Variants in USP36 observed in about 807,000 individuals in gnomAD.
USP36 encodes the protein ubiquitin specific peptidase 36.
A neutral mutation model predicts 111.5 loss-of-function variants in USP36; 59 were observed. That is an observed-to-expected ratio of 0.53 (90% CI 0.43 to 0.66). The LOEUF is 0.66. Among genes scored for constraint, USP36 ranks in the 30% least tolerant of loss-of-function variants. The pLI is 0.00. For missense variants in USP36, 1,488 were observed against 1,468.0 expected (o/e 1.01, Z -0.22); for synonymous variants, 628 against 581.0 (o/e 1.08, Z -1.16).
chr17:78,812,645 G>A (rs1372488108), intron 13 of USP36, among the ~76,000 whole-genome samples: 2 of 149,006 alleles, frequency 1.3e-5, no homozygotes, highest in African/African-American at 2.5e-5. Context: ...AGCCGAGATT[G>A]GAGATCGCAC....
intron 10 of USP36, among the ~76,000 whole-genome samples, chr17:78,815,230 G>C (rs546169836): frequency 6.6e-6 from 1 of 152,198 alleles, no homozygotes; most frequent in East Asian, 1.9e-4. Context: ...TACTCAGGAG[G>C]CTGAGGCAGG....
At chr17:78,830,440 C>T (rs565014375) in intron 4 of USP36, among the ~76,000 whole-genome samples, 36 of 152,300 alleles carry the variant, frequency 2.4e-4, no homozygotes, top group Middle Eastern at 3.4e-3. Flanking sequence ...ATTTTCTCTG[C>T]TATCATAGAC....
rs2094135072 is a variant in USP36, at chr17:78,814,402, A to G, written c.1164+10T>C. The G allele has an allele frequency of 6.2e-7, 1 of 1,613,906 alleles. No homozygotes were observed. The highest frequency in any genetic ancestry group is 2.2e-5 in the East Asian group (1 of 44,890). Reference sequence around the variant, plus strand: ...CCCAGGAGGCAGCTGCACTGACACAAGCCTCTCACCTTCACGTAGCAGTAA... The same window carrying G: ...CCCAGGAGGCAGCTGCACTGACACAGGCCTCTCACCTTCACGTAGCAGTAA... On this transcript the variant is annotated intron_variant, in intron 11 of 20. Coordinates refer to ENST00000449938, the MANE Select transcript of USP36 (RefSeq NM_001385174.1).
At chr17:78,821,111 C>T (rs1177192470) in intron 7 of USP36, 50 bp from the exon 8 acceptor site, 1 of 1,542,580 alleles carries the variant, frequency 6.5e-7, no homozygotes, top group Admixed American at 1.9e-5. Flanking sequence ...CAGAGGCACT[C>T]CCAGCTCCCA....
At chr17:78,821,770 G>C (rs1218230200) in intron 7 of USP36, among the ~76,000 whole-genome samples, 167 bp downstream of exon 7, 2 of 151,998 alleles carry the variant, frequency 1.3e-5, no homozygotes, top group African/African-American at 4.8e-5. Context: ...TGCTCCAGTG[G>C]CCAGGCGGGC....
downstream of USP36, among the ~76,000 whole-genome samples, chr17:78,791,411 G>A (rs1310842340): frequency 6.6e-6 from 1 of 152,096 alleles, no homozygotes; most frequent in Non-Finnish European, 1.5e-5. Context: ...GAGCCACCGT[G>A]CCCGGCCCTG....
rs915375280 is a variant in USP36, at chr17:78,840,174, C to A, written c.-174+562G>T. On this transcript the variant is annotated intron_variant, in intron 1 of 20. Transcript: ENST00000449938. The stretch of plus-strand genomic sequence containing the variant: ...GGCGAGCGTTACGTAAACGGGGGCG[C>A]GCGGAGTCTCCCCTCTCGTGTGTCT... 2.6e-5 allele frequency among the ~76,000 whole-genome samples: 4 copies of A among 152,140 alleles called. No homozygotes were observed. In the East Asian group the frequency reaches 7.7e-4, roughly 29 times the overall value.
chr17:78,827,443 G>A, intron 5 of USP36, 96 bp from the exon 6 acceptor site: 1 of 1,171,982 alleles, frequency 8.5e-7, no homozygotes, highest in Non-Finnish European at 1.2e-6. Flanking sequence ...CTGTTATAAG[G>A]GGAAAATACT....
intron 15 of USP36, among the ~76,000 whole-genome samples, chr17:78,804,955 T>C (rs2093858989): frequency 6.6e-6 from 1 of 152,108 alleles, no homozygotes; most frequent in Non-Finnish European, 1.5e-5. Context: ...GCTGGCCTAA[T>C]GACACCTCCA....
chr17:78,822,032 G>C, intron 6 of USP36, 28 bp from the exon 7 acceptor site: 10 of 1,613,754 alleles, frequency 6.2e-6, no homozygotes, highest in African/African-American at 1.3e-5. Context: ...GCCTTTAAGG[G>C]AAGGGCTCAG....
intron 13 of USP36, among the ~76,000 whole-genome samples, chr17:78,811,476 G>T (rs1166243782): frequency 6.6e-6 from 1 of 152,116 alleles, no homozygotes; most frequent in African/African-American, 2.4e-5. Context: ...ATGTCCATGT[G>T]TATTTCCAAA....
intron 5 of USP36, 77 bp downstream of exon 5, chr17:78,828,820 C>T (rs2067815553): frequency 7.1e-7 from 1 of 1,415,574 alleles, no homozygotes; most frequent in Non-Finnish European, 9.7e-7. Context: ...GCCTGGGCAA[C>T]ATAGCGAGAA....
At position 78,802,487 on chromosome 17, in the gene USP36, T is replaced by C; in HGVS notation, c.2859A>G (p.Pro953=). 1 of 1,608,978 alleles carries C rather than the reference T, an allele frequency of 6.2e-7. No homozygotes were observed. The change falls in exon 17 of 21, where the codon CCA becomes CCG. Residue 953 remains proline (P), a synonymous_variant. Coordinates refer to ENST00000449938, the MANE Select transcript of USP36 (RefSeq NM_001385174.1). ...DGDPEAMEES[P]RKKKKKKRKQ... ...TTCTTTTTTTCTTTTTCTTTTTCCT[T>C]GGAGACTCTTCCATGGCCTCTGGAT... is the stretch of plus-strand genomic sequence containing the variant.
chr17:78,815,862 CACATGTACGCATAT>C (rs2094171190), intron 10 of USP36, among the ~76,000 whole-genome samples: 1 of 152,098 alleles, frequency 6.6e-6, no homozygotes, highest in African/African-American at 2.4e-5. Context: ...TGCATGCATA[CACATGTACGCATAT>C]ACATACATGC....
intron 13 of USP36, among the ~76,000 whole-genome samples, chr17:78,808,711 C>T (rs2093977990): frequency 6.6e-6 from 1 of 152,128 alleles, no homozygotes; most frequent in Non-Finnish European, 1.5e-5. Context: ...GCACTTATTA[C>T]AACTGCATAG....
At position 78,797,046 on chromosome 17, in the gene USP36, T is replaced by C. The variant is rs1178885432; in HGVS notation, c.*854A>G. 1 of 152,222 alleles carries C rather than the reference T, an allele frequency of 6.6e-6. No individual in the cohort carries two copies. The highest frequency in any genetic ancestry group is 2.4e-5 in the African/African-American group (1 of 41,450). The allele number at this position is 152,222 out of a possible 1,614,324, so 9.4% of individuals were successfully genotyped here. ...TTGCATATTTGGGAAAGGAAACATA[T>C]TGCTAATGGAAGCCACAGGACTGGT... On this transcript the variant is annotated 3_prime_UTR_variant, in exon 21 of 21. Transcript: ENST00000449938.
chr17:78,789,497 C>A (rs2093564578), intron 3 of USP36, among the ~76,000 whole-genome samples: 3 of 152,156 alleles, frequency 2.0e-5, no homozygotes, highest in Admixed American at 2.0e-4. Context: ...GCAGCATAGA[C>A]CTTGCAGAGA....
Position 78,836,201 on chromosome 17 carries a change from C to G in USP36, c.163G>C (p.Ala55Pro). ...AGCAACACATATTTGCTCTTTAAGG[C>G]CTCCAGCTGGTAGGAGAAGCTCTTG... ...ASKSFSYQLEALKSKYVLLNP... is the reference protein window; with the variant it reads ...ASKSFSYQLEPLKSKYVLLNP... The change falls in exon 3 of 21, where the codon GCC becomes CCC. Residue 55 changes from alanine (A) to proline (P), a missense_variant. Transcript: ENST00000449938. 1 of 1,614,118 alleles carries G rather than the reference C, an allele frequency of 6.2e-7. No individual in the cohort carries two copies. Among genetic ancestry groups the G allele is most frequent in the Non-Finnish European group, 8.5e-7 (1 of 1,180,036 alleles).
chr17:78,826,005 C>T (rs2067505294), intron 6 of USP36, among the ~76,000 whole-genome samples: 1 of 152,174 alleles, frequency 6.6e-6, no homozygotes, highest in Non-Finnish European at 1.5e-5. Flanking sequence ...GACTCCAGGA[C>T]CATGGCTTCT....
Sources: gnomAD v4.1 joint callset for allele counts (sites outside exome capture counted in the v4.1 genomes callset) on GRCh38, gnomAD v4.1.1 for gene constraint, MANE v1.5 for transcripts, NCBI Gene and HGNC (gene_info 2026-07-23, HGNC 2026-07-21) for gene names.